Variants in ITGB4 observed in about 807,000 individuals in gnomAD.
The protein encoded by ITGB4 is integrin beta-4.
In ITGB4, 159 loss-of-function variants were observed where a neutral mutation model predicts 207.6. The observed-to-expected ratio is 0.77, with a 90% CI of 0.67 to 0.87. The LOEUF (loss-of-function observed/expected upper bound fraction) is 0.87. ITGB4 is among the 40% of genes least tolerant of loss of function. ITGB4 has a pLI of 0.00. For missense variants in ITGB4, 2,278 were observed against 2,546.8 expected (o/e 0.89, Z 2.27); for synonymous variants, 1,020 against 1,062.7 (o/e 0.96, Z 0.78).
Position 75,740,311 on chromosome 17 carries a change from G to T in ITGB4, c.2447-47G>T. 1.3e-6 allele frequency: 2 copies of T among 1,517,906 alleles called. No individual in the cohort carries two copies. The highest frequency in any genetic ancestry group is 1.7e-5 in the Admixed American group (1 of 57,714). The allele number at this position is 1,517,906 out of a possible 1,614,324, so 94.0% of individuals were successfully genotyped here. ...GATGCTCTGTGGTGCCTGTCATGCAGGGGGCTGACCACCTCCATCTCACCC... is the reference window on the plus strand; with the variant it reads ...GATGCTCTGTGGTGCCTGTCATGCATGGGGCTGACCACCTCCATCTCACCC... On this transcript the variant is annotated intron_variant, in intron 20 of 39. Coordinates refer to ENST00000200181, the MANE Select transcript of ITGB4 (RefSeq NM_000213.5). This position sits in a 1 kb window ranked among gnomAD's most constrained non-coding sequence, Gnocchi z 5.9.
rs1192889827 is a variant in ITGB4 at position 75,731,394 on chromosome 17, T to G, written c.1215+26T>G. On this transcript the variant is annotated intron_variant, in intron 10 of 39. Transcript: ENST00000200181. This position sits in a 1 kb window ranked among gnomAD's most constrained non-coding sequence, Gnocchi z 6.8. ...GTACGCCTCTGTGGGGGCAGCGGGG[T>G]GGGGGATAGGCACAGCGCCCCACAC... 33 of 1,563,448 alleles carry G rather than the reference T, an allele frequency of 2.1e-5. No homozygotes were observed. The highest frequency in any genetic ancestry group is 8.3e-5 in the African/African-American group (6 of 72,454).
intron 23 of ITGB4, 168 bp downstream of exon 23, chr17:75,741,173 A>C: frequency 1.3e-6 from 1 of 799,622 alleles, no homozygotes; most frequent in Non-Finnish European, 2.1e-6. Flanking sequence ...TTTCTTCAAC[A>C]AATGCTAATG....
chr17:75,727,575 C>G lies in ITGB4; in HGVS notation c.264+70C>G. The G allele has an allele frequency of 6.3e-7, 1 of 1,587,660 alleles. No individual in the cohort carries two copies. The highest frequency in any genetic ancestry group is 8.6e-7 in the Non-Finnish European group (1 of 1,166,082). The stretch of plus-strand genomic sequence containing the variant: ...TGGCTATTTATGGGGGTGTATAGTG[C>G]CCCTTGGCCGGGCTGGGCCCCCATC... On this transcript the variant is annotated intron_variant, in intron 4 of 39. Coordinates refer to ENST00000200181, the MANE Select transcript of ITGB4 (RefSeq NM_000213.5). This position sits in a 1 kb window ranked among gnomAD's most constrained non-coding sequence, Gnocchi z 6.0.
rs35350305 is a variant in ITGB4, at chr17:75,733,385, C to CA, written c.1455-94dup. 0.28 allele frequency: 215,731 copies of CA among 781,966 alleles called. 11,069 individuals are homozygous for CA. The highest frequency in any genetic ancestry group is 0.44 in the East Asian group (12,281 of 28,168). The allele number at this position is 781,966 out of a possible 1,614,324, so 48.4% of individuals were successfully genotyped here. A position where few individuals can be genotyped will look rare whatever the true frequency, so the allele number is the denominator to read the frequency against. On this transcript the variant is annotated intron_variant, in intron 12 of 39. Transcript: ENST00000200181. ...TGGGCGACAAGGCGAGACTCCGTCT[C>CA]AAAAAAAAAAATAAAATAATTAAAT...
chr17:75,737,670 GC>G (rs1444935781), intron 18 of ITGB4, 26 bp downstream of exon 18: 1 of 1,594,902 alleles, frequency 6.3e-7, no homozygotes. Flanking sequence ...GCCTCCCAAG[GC>G]CCCACATCCC....
Position 75,753,877 on chromosome 17 carries a change from C to T in ITGB4, c.4221C>T (p.Ser1407=), listed in dbSNP as rs897272928. The change falls in exon 33 of 40, where the codon TCC becomes TCT. Residue 1407 remains serine, a synonymous_variant. Coordinates refer to ENST00000200181, the MANE Select transcript of ITGB4 (RefSeq NM_000213.5). ...GCCTGTCGGCCAGCAGCGGGCGCTCCTCCGACGCCGAGGCGCCCCACGGGC... is the reference window on the plus strand; with the variant it reads ...GCCTGTCGGCCAGCAGCGGGCGCTCTTCCGACGCCGAGGCGCCCCACGGGC... The part of the protein sequence containing the change: ...IPRLSASSGR[S]SDAEAPHGPP... 6.0e-6 allele frequency: 8 copies of T among 1,333,262 alleles called. No individual in the cohort carries two copies. In the South Asian group the frequency reaches 1.1e-4, roughly 18 times the overall value. 82.6% of individuals were successfully genotyped at this position (1,333,262 alleles called of 1,614,324 possible).
Position 75,757,224 on chromosome 17 carries a change from G to A in ITGB4, c.5243G>A (p.Arg1748His), listed in dbSNP as rs151053969. The change falls in exon 39 of 40, where the codon CGT becomes CAT. Residue 1748 changes from arginine to histidine, a missense_variant. Coordinates refer to ENST00000200181, the MANE Select transcript of ITGB4 (RefSeq NM_000213.5). Reference sequence around the variant, plus strand: ...GGACCCTTCCCGCAGCTGGGCAGCCGTGCCGGGCTCTTCCAGCACCCGCTG... The same window carrying A: ...GGACCCTTCCCGCAGCTGGGCAGCCATGCCGGGCTCTTCCAGCACCCGCTG... ...DGGPFPQLGS[R>H]AGLFQHPLQS... 2.2e-4 allele frequency: 361 copies of A among 1,611,850 alleles called. 1 individual carries two copies. The African/African-American group carries it at 2.2e-3, about 10-fold the overall frequency.
chr17:75,742,237 G>A lies in ITGB4; in HGVS notation c.2634-104G>A. The A allele has an allele frequency of 6.9e-7, 1 of 1,444,130 alleles. No individual in the cohort carries two copies. The highest frequency in any genetic ancestry group is 9.6e-7 in the Non-Finnish European group (1 of 1,039,552). 89.5% of individuals were successfully genotyped at this position (1,444,130 alleles called of 1,614,324 possible). ...CTCTGAAGACCCTGCACTTCTTGCTGTCTTACATCCTGGCCCCTGAAGGGG... is the reference window on the plus strand; with the variant it reads ...CTCTGAAGACCCTGCACTTCTTGCTATCTTACATCCTGGCCCCTGAAGGGG... On this transcript the variant is annotated intron_variant, in intron 23 of 39. Transcript: ENST00000200181. This position sits in a 1 kb window ranked among gnomAD's most constrained non-coding sequence, Gnocchi z 5.9.
At chr17:75,755,091 TTCCGCTG>T in intron 34 of ITGB4, 12 of 1,602,912 alleles carry the variant, frequency 7.5e-6, no homozygotes, top group Non-Finnish European at 1.0e-5. Flanking sequence ...AGGAGCAGGC[TTCCGCTG>T]TCCTGGGCCC....
At chr17:75,735,318 G>T (rs543450309) in intron 13 of ITGB4, among the ~76,000 whole-genome samples, 4 of 152,042 alleles carry the variant, frequency 2.6e-5, no homozygotes, top group African/African-American at 9.6e-5. Flanking sequence ...GAACTCCTGA[G>T]CTCAAGTGAT....
intron 8 of ITGB4, 110 bp downstream of exon 8, chr17:75,730,614 C>T: frequency 8.8e-7 from 1 of 1,138,108 alleles, no homozygotes; most frequent in South Asian, 1.5e-5. Context: ...TCCTCCCTTC[C>T]TCCCTCCCTC....
intron 23 of ITGB4, 132 bp downstream of exon 23, chr17:75,741,137 C>G (rs1224607015): frequency 9.8e-7 from 1 of 1,020,554 alleles, no homozygotes; most frequent in African/African-American, 1.6e-5. Flanking sequence ...CCGTCAGGTT[C>G]GGACCTTCAT....
Position 75,724,792 on chromosome 17 carries a change from C to T in ITGB4, c.79+10C>T, listed in dbSNP as rs766986697. 39 of 1,611,020 alleles carry T rather than the reference C, an allele frequency of 2.4e-5. No homozygotes were observed. The highest frequency in any genetic ancestry group is 4.5e-5 in the East Asian group (2 of 44,880). ...CTCTCTGGGACCTTGGGTGAGTCCACGTTGCCCTGCAGCCCCCTCCTGGCA... is the reference window on the plus strand; with the variant it reads ...CTCTCTGGGACCTTGGGTGAGTCCATGTTGCCCTGCAGCCCCCTCCTGGCA... On this transcript the variant is annotated intron_variant, in intron 2 of 39. Transcript: ENST00000200181.
rs777957440 is a variant in ITGB4, at chr17:75,756,513, T to G, written c.4793T>G (p.Phe1598Cys). 6.2e-7 allele frequency: 1 copy of G among 1,613,292 alleles called. No individual in the cohort carries two copies. The change falls in exon 36 of 40, where the codon TTC becomes TGC. Residue 1598 changes from phenylalanine to cysteine, a missense_variant. Coordinates refer to ENST00000200181, the MANE Select transcript of ITGB4 (RefSeq NM_000213.5). ...EDLLPNHSYV[F>C]RVRAQSQEGW... is the part of the protein sequence containing the mutation. ...CTCCTGCCCAACCACTCCTACGTGT[T>G]CCGCGTGCGGGCCCAGAGCCAGGAA...
rs1164780121 is a variant in ITGB4, at chr17:75,722,740, G to A, written c.-11+1128G>A. On this transcript the variant is annotated intron_variant, in intron 1 of 39. Transcript: ENST00000200181. This position sits in a 1 kb window ranked among gnomAD's most constrained non-coding sequence, Gnocchi z 6.2. ...GGGGCCAGGGGAGCTCTGAGCCTGT[G>A]GGTGGGTGGGCATGGCCTGTGTGTG... Among the ~76,000 whole-genome samples the A allele has an allele frequency of 6.7e-6, 1 of 148,940 alleles. No individual in the cohort carries two copies. Among genetic ancestry groups the A allele is most frequent in the African/African-American group, 2.5e-5 (1 of 40,264 alleles).
intron 18 of ITGB4, 105 bp downstream of exon 18, chr17:75,737,749 TCCC>T (rs1488043762): frequency 4.5e-6 from 4 of 897,910 alleles, no homozygotes; most frequent in Admixed American, 4.0e-5. Flanking sequence ...AGTTCTCATC[TCCC>T]CAGGGTCCCC....
Position 75,739,418 on chromosome 17 carries a change from C to T in ITGB4, c.2221-254C>T, listed in dbSNP as rs1416728559. ...ATGAATTCAGTGCTTCCCAAGTGAA[C>T]CTGACCACAGAACCTTTACAGAGCA... On this transcript the variant is annotated intron_variant, in intron 18 of 39. Transcript: ENST00000200181. The surrounding 1 kb of genome is among the most constrained non-coding windows in gnomAD (Gnocchi z 5.4). Among the ~76,000 whole-genome samples, 3 of 152,154 alleles carry T rather than the reference C, an allele frequency of 2.0e-5. No individual in the cohort carries two copies. Among genetic ancestry groups the T allele is most frequent in the Non-Finnish European group, 4.4e-5 (3 of 68,022 alleles).
intron 36 of ITGB4, 38 bp from the exon 37 acceptor site, chr17:75,756,666 C>CCA: frequency 6.2e-7 from 1 of 1,613,230 alleles, no homozygotes; most frequent in Non-Finnish European, 8.5e-7. Flanking sequence ...TGCCCACCAC[C>CCA]CACCCACAGG....
rs768008881 is a variant in ITGB4, at chr17:75,731,972, T to C, written c.1376T>C (p.Leu459Pro). The C allele has an allele frequency of 5.0e-6, 8 of 1,613,978 alleles. No individual in the cohort carries two copies. Among genetic ancestry groups the C allele is most frequent in the Non-Finnish European group, 6.8e-6 (8 of 1,180,034 alleles). Reference sequence around the variant, plus strand: ...ATCTGTGATGTGTGCACCTGCGAGCTGGTACAACGCAGCCCCGCAGGGCGG... The same window carrying C: ...ATCTGTGATGTGTGCACCTGCGAGCCGGTACAACGCAGCCCCGCAGGGCGG... ...GIICDVCTCE[L>P]QKEVRSARCS... The change falls in exon 11 of 40, where the codon CTG becomes CCG. Residue 459 changes from leucine (L) to proline (P), a missense_variant and splice_region_variant. By Grantham distance (98) the Leu-to-Pro change is moderately conservative. Transcript: ENST00000200181. The surrounding 1 kb of genome is among the most constrained non-coding windows in gnomAD (Gnocchi z 6.8).
Sources: allele counts gnomAD v4.1 joint callset (sites outside exome capture counted in the v4.1 genomes callset), GRCh38; gene constraint gnomAD v4.1.1; non-coding constraint Gnocchi (gnomAD v3.1); transcripts MANE v1.5; gene names NCBI Gene and HGNC (gene_info 2026-07-23, HGNC 2026-07-21).